Variants in VPS26A observed in about 807,000 individuals in gnomAD.
The protein encoded by VPS26A is vacuolar protein sorting-associated protein 26A.
In VPS26A, 22 loss-of-function variants were observed where a neutral mutation model predicts 42.4. That is an observed-to-expected ratio of 0.52 (90% CI 0.37 to 0.74). The LOEUF is 0.74. Among genes scored for constraint, VPS26A ranks in the 30% least tolerant of loss-of-function variants. The pLI is 0.00. For missense variants in VPS26A, 276 were observed against 379.2 expected (o/e 0.73, Z 2.26); for synonymous variants, 110 against 123.5 (o/e 0.89, Z 0.73).
chr10:69,169,701 C>T (rs1266542839), intron 8 of VPS26A, among the ~76,000 whole-genome samples: 6 of 152,142 alleles, frequency 3.9e-5, no homozygotes, highest in Middle Eastern at 3.4e-3. Context: ...CTTCACCTCC[C>T]GGGTTCAAGC....
intron 8 of VPS26A, 55 bp downstream of exon 8, chr10:69,168,686 G>A (rs1490190119): frequency 3.8e-6 from 6 of 1,582,352 alleles, no homozygotes; most frequent in South Asian, 2.4e-5. Context: ...AAAATACCTC[G>A]AAAGCACTCT....
At chr10:69,131,323 C>T (rs1042079566) in intron 1 of VPS26A, among the ~76,000 whole-genome samples, 37 of 152,214 alleles carry the variant, frequency 2.4e-4, no homozygotes, top group Non-Finnish European at 3.2e-4. Context: ...TGCAGTGGCT[C>T]ACGCCCATAA....
At position 69,124,247 on chromosome 10, in the gene VPS26A, G is replaced by C. The variant is rs1186907861; in HGVS notation, c.-31G>C. 4.7e-6 allele frequency: 6 copies of C among 1,285,574 alleles called. No homozygotes were observed. Among genetic ancestry groups the C allele is most frequent in the Non-Finnish European group, 5.9e-6 (6 of 1,011,188 alleles). The allele number at this position is 1,285,574 out of a possible 1,614,324, so 79.6% of individuals were successfully genotyped here. The stretch of plus-strand genomic sequence containing the variant: ...GAGTTCTCCTGAGGGAAGAGGAGTG[G>C]AGTAGGGGGGACGCGGCGGCGGCGT... On this transcript the variant is annotated 5_prime_UTR_variant, in exon 1 of 9. Transcript: ENST00000263559.
In VPS26A at chr10:69,124,251, A is replaced by G; in HGVS notation, c.-27A>G. On this transcript the variant is annotated 5_prime_UTR_variant, in exon 1 of 9. Transcript: ENST00000263559. ...TCTCCTGAGGGAAGAGGAGTGGAGTAGGGGGGACGCGGCGGCGGCGTTGAC... is the reference window on the plus strand; with the variant it reads ...TCTCCTGAGGGAAGAGGAGTGGAGTGGGGGGGACGCGGCGGCGGCGTTGAC... 7.8e-7 allele frequency: 1 copy of G among 1,285,182 alleles called. No individual in the cohort carries two copies. The highest frequency in any genetic ancestry group is 3.6e-5 in the South Asian group (1 of 27,742). The allele number at this position is 1,285,182 out of a possible 1,614,324, so 79.6% of individuals were successfully genotyped here.
chr10:69,154,903 G>A lies in VPS26A; in HGVS notation c.154-909G>A, dbSNP rs1324430619. Among the ~76,000 whole-genome samples, 4 of 152,166 alleles carry A rather than the reference G, an allele frequency of 2.6e-5. No homozygotes were observed. In the East Asian group the frequency reaches 7.7e-4, roughly 29 times the overall value. On this transcript the variant is annotated intron_variant, in intron 2 of 8. Transcript: ENST00000263559. ...TGTGTGCGCGCACGCGCACGTGCGT[G>A]CACATATATATATTTTTTTTTTAAG...
intron 5 of VPS26A, among the ~76,000 whole-genome samples, chr10:69,158,422 T>G (rs917410759): frequency 4.6e-5 from 7 of 152,138 alleles, no homozygotes; most frequent in African/African-American, 1.7e-4. Context: ...AAATCTCTGC[T>G]TGGCCACTTT....
intron 1 of VPS26A, among the ~76,000 whole-genome samples, chr10:69,132,017 C>T (rs1233777040): frequency 6.6e-6 from 1 of 152,146 alleles, no homozygotes; most frequent in Non-Finnish European, 1.5e-5. Context: ...GAAAAATTCA[C>T]AGAAATTTTA....
At chr10:69,151,451 CAAAAA>C (rs150296063) in intron 2 of VPS26A, among the ~76,000 whole-genome samples, 16 of 105,440 alleles carry the variant, frequency 1.5e-4, no homozygotes, top group Admixed American at 2.9e-4. Flanking sequence ...GACTCCGTCT[CAAAAA>C]AAAAAAAAAA....
At chr10:69,158,875 T>C (rs1324286957) in intron 5 of VPS26A, among the ~76,000 whole-genome samples, 1 of 152,200 alleles carries the variant, frequency 6.6e-6, no homozygotes, top group Non-Finnish European at 1.5e-5. Flanking sequence ...TAAAATTATG[T>C]ATCATTTTAT....
In VPS26A at chr10:69,171,229, C is replaced by G; in HGVS notation, c.944C>G (p.Ser315Cys). ...ACAAACTTTCACCAGCGATTTGAAT[C>G]TCCAGAATCACAGGCATCTGCCGAA... ...QRTNFHQRFE[S>C]PESQASAEQP... The change falls in exon 9 of 9, where the codon TCT (serine) becomes TGT (cysteine). Residue 315 changes from serine (S) to cysteine (C), a missense_variant. Physicochemically the swap from Ser to Cys is moderately radical, Grantham distance 112 (BLOSUM62 -1). Coordinates refer to ENST00000263559, the MANE Select transcript of VPS26A (RefSeq NM_004896.5). 6.2e-7 allele frequency: 1 copy of G among 1,613,908 alleles called. No individual in the cohort carries two copies. The highest frequency in any genetic ancestry group is 8.5e-7 in the Non-Finnish European group (1 of 1,179,960).
chr10:69,136,855 G>A (rs571054895), intron 2 of VPS26A, among the ~76,000 whole-genome samples: 1 of 151,986 alleles, frequency 6.6e-6, no homozygotes, highest in East Asian at 2.0e-4. Context: ...GCGATGGCGT[G>A]ATCTCGGCTC....
At chr10:69,127,093 A>ATTTTTTTTTTTTTTTTTT (rs71035057) in intron 1 of VPS26A, among the ~76,000 whole-genome samples, 51 of 97,546 alleles carry the variant, frequency 5.2e-4, no homozygotes, top group Non-Finnish European at 7.4e-4. Context: ...CACCCGGCCA[A>ATTTTTTTTTTTTTTTTTT]TTTTTTTTTT....
At position 69,157,060 on chromosome 10, in the gene VPS26A, C is replaced by T. The variant is rs959189514; in HGVS notation, c.283C>T (p.Leu95=). The T allele has an allele frequency of 5.0e-6, 8 of 1,613,368 alleles. No homozygotes were observed. Among genetic ancestry groups the T allele is most frequent in the Non-Finnish European group, 5.9e-6 (7 of 1,179,584 alleles). Residue 95 remains leucine (L), a synonymous_variant, in exon 4 of 9, where the codon CTA becomes TTA. Coordinates refer to ENST00000263559, the MANE Select transcript of VPS26A (RefSeq NM_004896.5). ...TGAATTTGTAAACCTAGTGAAAGAA[C>T]TAGCCTTACCTGGAGAACTGACTCA... ...THEFVNLVKE[L]ALPGELTQSR...
In VPS26A at chr10:69,168,571, A is replaced by C; in HGVS notation, c.810A>C (p.Val270=). The C allele has an allele frequency of 1.2e-6, 2 of 1,614,178 alleles. No homozygotes were observed. The highest frequency in any genetic ancestry group is 1.7e-6 in the Non-Finnish European group (2 of 1,180,022). Residue 270 remains valine, a synonymous_variant, in exon 8 of 9, where the codon GTA becomes GTC. Coordinates refer to ENST00000263559, the MANE Select transcript of VPS26A (RefSeq NM_004896.5). ...GAGATGTGAACAAAAAATTTTCAGT[A>C]AGGTACTTTTTGAATTTAGTGCTTG... ...TMRDVNKKFS[V]RYFLNLVLVD... is the part of the protein sequence containing the mutation.
intron 8 of VPS26A, among the ~76,000 whole-genome samples, chr10:69,169,613 TAA>T (rs1841771952): frequency 6.6e-6 from 1 of 150,966 alleles, no homozygotes; most frequent in South Asian, 2.1e-4. Flanking sequence ...CCTTTTTTTT[TAA>T]GTTTTTTTTT....
intron 1 of VPS26A, among the ~76,000 whole-genome samples, chr10:69,132,178 G>A (rs1383117074): frequency 1.3e-5 from 2 of 152,106 alleles, no homozygotes. Context: ...TGTAAATTCT[G>A]CTATAATAAA....
At chr10:69,155,011 G>A (rs1302010562) in intron 2 of VPS26A, among the ~76,000 whole-genome samples, 1 of 152,016 alleles carries the variant, frequency 6.6e-6, no homozygotes, top group African/African-American at 2.4e-5. Context: ...ATGGCCAGGT[G>A]CAGTAGCTCA....
Position 69,171,192 on chromosome 10 carries a change from A to G in VPS26A, c.907A>G (p.Arg303Gly). ...ATGGAGAAAAGCTCCTGAAAAACTG[A>G]GGAAACAGAGAACAAACTTTCACCA... is the stretch of plus-strand genomic sequence containing the variant. ...ILWRKAPEKL[R>G]KQRTNFHQRF... The change falls in exon 9 of 9, where the codon AGG becomes GGG. Residue 303 changes from arginine to glycine, a missense_variant. By Grantham distance (125) the Arg-to-Gly change is moderately radical (BLOSUM62 -2). Transcript: ENST00000263559. The G allele has an allele frequency of 6.2e-7, 1 of 1,613,422 alleles. No homozygotes were observed. Among genetic ancestry groups the G allele is most frequent in the Non-Finnish European group, 8.5e-7 (1 of 1,179,880 alleles).
At chr10:69,164,907 A>G (rs911309467) in intron 6 of VPS26A, among the ~76,000 whole-genome samples, 6 of 148,916 alleles carry the variant, frequency 4.0e-5, no homozygotes, top group Non-Finnish European at 8.9e-5. Flanking sequence ...ATATAAACTT[A>G]CTTTCTCCTC....
Sources: allele counts gnomAD v4.1 joint callset (sites outside exome capture counted in the v4.1 genomes callset), GRCh38; gene constraint gnomAD v4.1.1; transcripts MANE v1.5; gene names NCBI Gene and HGNC (gene_info 2026-07-23, HGNC 2026-07-21).